The following ERCC3 variants were observed in gnomAD, a reference collection of about 807,000 sequenced individuals.
ERCC3 encodes the protein ERCC excision repair 3, TFIIH core complex helicase subunit.
ERCC3 carries 66 observed loss-of-function variants against 94.2 expected under a neutral mutation model. That is an observed-to-expected ratio of 0.70 (90% CI 0.57 to 0.86). ERCC3 has a LOEUF of 0.86. Among genes scored for constraint, ERCC3 ranks in the 40% least tolerant of loss-of-function variants. ERCC3 has a pLI of 0.00. For synonymous variants in ERCC3, 349 were observed against 369.1 expected, an observed-to-expected ratio of 0.95 and a Z score of 0.63; for missense variants, 829 against 987.1, an observed-to-expected ratio of 0.84 and a Z score of 2.15.
rs917709294 is a variant in ERCC3, at chr2:127,280,491, C to G, written c.1483G>C (p.Glu495Gln). 1.2e-6 allele frequency: 2 copies of G among 1,613,868 alleles called. No individual in the cohort carries two copies. The highest frequency in any genetic ancestry group is 1.7e-6 in the Non-Finnish European group (2 of 1,179,944). Residue 495 changes from glutamate (E) to glutamine (Q), a missense_variant, in exon 9 of 15, where the codon GAG becomes CAG. Coordinates refer to ENST00000285398, the MANE Select transcript of ERCC3 (RefSeq NM_000122.2). The surrounding 1 kb of genome is among the most constrained non-coding windows in gnomAD (Gnocchi z 6.3). The stretch of plus-strand genomic sequence containing the variant: ...GCGATGTAGCCATTATTCTGCAGCT[C>G]CATCCAGTTGGCTTCGTAGAGCTTA... ...GPKLYEANWMELQNNGYIAKV... is the reference protein window; with the variant it reads ...GPKLYEANWMQLQNNGYIAKV...
Position 127,274,015 on chromosome 2 carries a change from T to TA in ERCC3, c.1731-1055dup, listed in dbSNP as rs34376552. 1.1e-3 allele frequency among the ~76,000 whole-genome samples: 150 copies of TA among 141,928 alleles called. No individual in the cohort carries two copies. The highest frequency in any genetic ancestry group is 3.6e-3 in the Middle Eastern group (1 of 276). The allele number at this position is 141,928 out of a possible 152,430, so 93.1% of individuals were successfully genotyped here. ...CCAGGCATTGAGCTGAGTATTACAT[T>TA]AAAAAAAAAAAAATCCAGCCAGGCG... On this transcript the variant is annotated intron_variant, in intron 10 of 14. Coordinates refer to ENST00000285398, the MANE Select transcript of ERCC3 (RefSeq NM_000122.2). This position sits in a 1 kb window ranked among gnomAD's most constrained non-coding sequence, Gnocchi z 4.0.
chr2:127,267,113 T>C (rs973970236), intron 12 of ERCC3, among the ~76,000 whole-genome samples: 2 of 152,224 alleles, frequency 1.3e-5, no homozygotes, highest in East Asian at 1.9e-4. Flanking sequence ...TTAGGTCCAA[T>C]TGGTCAAGTG....
chr2:127,268,470 C>T (rs899650331), intron 12 of ERCC3, among the ~76,000 whole-genome samples: 2 of 152,034 alleles, frequency 1.3e-5, no homozygotes, highest in Admixed American at 1.3e-4. Flanking sequence ...ATCATGTTGC[C>T]CAGACTGGTC....
Position 127,277,749 on chromosome 2 carries a change from C to T in ERCC3, c.1730+1424G>A, listed in dbSNP as rs1039731618. ...CTCTGCCTGAACATACTTACACAGTCAAAATAATGTAACTGAATATTAAAG... is the reference window on the plus strand; with the variant it reads ...CTCTGCCTGAACATACTTACACAGTTAAAATAATGTAACTGAATATTAAAG... On this transcript the variant is annotated intron_variant, in intron 10 of 14. Coordinates refer to ENST00000285398, the MANE Select transcript of ERCC3 (RefSeq NM_000122.2). The surrounding 1 kb of genome is among the most constrained non-coding windows in gnomAD (Gnocchi z 5.1). Among the ~76,000 whole-genome samples, 5 of 152,164 alleles carry T rather than the reference C, an allele frequency of 3.3e-5. No individual in the cohort carries two copies. Among genetic ancestry groups the T allele is most frequent in the Middle Eastern group, 3.4e-3 (1 of 294 alleles).
rs970525554 is a variant in ERCC3, at chr2:127,279,622, T to G, written c.1528-247A>C. Among the ~76,000 whole-genome samples the G allele has an allele frequency of 1.1e-4, 17 of 151,890 alleles. No homozygotes were observed. The highest frequency in any genetic ancestry group is 4.1e-4 in the African/African-American group (17 of 41,330). Reference sequence around the variant, plus strand: ...ACTAAAAATACAAAAATTAGCTGGGTGTGGTAGTGCATGTCTGTAATTCCA... The same window carrying G: ...ACTAAAAATACAAAAATTAGCTGGGGGTGGTAGTGCATGTCTGTAATTCCA... On this transcript the variant is annotated intron_variant, in intron 9 of 14. Transcript: ENST00000285398. The surrounding 1 kb of genome is among the most constrained non-coding windows in gnomAD (Gnocchi z 4.7).
intron 3 of ERCC3, chr2:127,292,046 G>T: frequency 5.4e-6 from 1 of 183,874 alleles, no homozygotes; most frequent in Non-Finnish European, 1.2e-5. Flanking sequence ...TCTGGTGAAG[G>T]CTCTTGTCTA....
chr2:127,278,652 C>CT (rs1327445011), intron 10 of ERCC3, among the ~76,000 whole-genome samples: 1 of 152,238 alleles, frequency 6.6e-6, no homozygotes, highest in Admixed American at 6.5e-5. Flanking sequence ...TTCCTCCTTA[C>CT]TTGGCAGAGC....
At chr2:127,261,707 T>C in intron 12 of ERCC3, 1 of 321,862 alleles carries the variant, frequency 3.1e-6, no homozygotes, top group South Asian at 2.8e-5. Flanking sequence ...AAATAGCCAG[T>C]AAGCACATGA....
chr2:127,288,978 G>T (rs1685173559), intron 6 of ERCC3, 114 bp from the exon 7 acceptor site: 1 of 895,596 alleles, frequency 1.1e-6, no homozygotes, highest in African/African-American at 1.6e-5. Context: ...ACTTCTACAA[G>T]ATTTTAGATC....
chr2:127,261,895 C>T (rs184963930), intron 12 of ERCC3: 173 of 169,270 alleles, frequency 1.0e-3, no homozygotes, highest in African/African-American at 3.9e-3. Flanking sequence ...GTAAATGATG[C>T]GGCTGCTTTG....
intron 4 of ERCC3, 187 bp from the exon 5 acceptor site, chr2:127,290,011 A>G: frequency 3.7e-6 from 3 of 809,154 alleles, no homozygotes; most frequent in Admixed American, 4.4e-5. Flanking sequence ...GAGGTCAAGT[A>G]GGCAGGGGCC....
In ERCC3 at chr2:127,257,584, C is replaced by T. The variant is rs745534678; in HGVS notation, c.*12G>A. 5.0e-5 allele frequency: 81 copies of T among 1,613,420 alleles called. 2 individuals carry two copies. The Middle Eastern group carries it at 7.1e-4, about 14-fold the overall frequency. ...CAAGCGCCGGTCTTGAACGAAGTAC[C>T]CTGCCTAAGCATCATTTCCTAAAGC... On this transcript the variant is annotated 3_prime_UTR_variant, in exon 15 of 15. Transcript: ENST00000285398. The surrounding 1 kb of genome is among the most constrained non-coding windows in gnomAD (Gnocchi z 5.4).
intron 12 of ERCC3, among the ~76,000 whole-genome samples, chr2:127,263,169 A>G (rs988918961): frequency 2.0e-5 from 3 of 152,156 alleles, no homozygotes; most frequent in Admixed American, 6.5e-5. Context: ...GATGAATTTT[A>G]TAAGTTTTTT....
intron 7 of ERCC3, among the ~76,000 whole-genome samples, chr2:127,287,287 C>T (rs1024611859): frequency 1.3e-5 from 2 of 152,122 alleles, no homozygotes; most frequent in Non-Finnish European, 2.9e-5. Flanking sequence ...AATCTCAAAA[C>T]AAACCAGTGA....
At chr2:127,286,342 A>C (rs190199027) in intron 8 of ERCC3, among the ~76,000 whole-genome samples, 1 of 152,200 alleles carries the variant, frequency 6.6e-6, no homozygotes, top group East Asian at 1.9e-4. Context: ...CGAGGTCAGG[A>C]GTTCAAGACC....
intron 7 of ERCC3, among the ~76,000 whole-genome samples, chr2:127,287,639 GAA>G (rs1282284846): frequency 6.6e-6 from 1 of 151,990 alleles, no homozygotes; most frequent in Non-Finnish European, 1.5e-5. Flanking sequence ...GTCTCAAAAA[GAA>G]AAAAGAAAGA....
chr2:127,272,244 C>A (rs915955774), intron 11 of ERCC3, among the ~76,000 whole-genome samples: 1 of 151,934 alleles, frequency 6.6e-6, no homozygotes, highest in African/African-American at 2.4e-5. Context: ...AGGCTGGTCT[C>A]GAACTCCTGA....
At position 127,264,709 on chromosome 2, in the gene ERCC3, C is replaced by T. The variant is rs937531715; in HGVS notation, c.1946-3363G>A. On this transcript the variant is annotated intron_variant, in intron 12 of 14. Transcript: ENST00000285398. The surrounding 1 kb of genome is among the most constrained non-coding windows in gnomAD (Gnocchi z 4.4). ...GAATACTAGCCTGTAGTTTTTTCAT[C>T]GTGTCTTTGCCAGATTTTGGTATCA... is the stretch of plus-strand genomic sequence containing the variant. Among the ~76,000 whole-genome samples, 18 of 152,096 alleles carry T rather than the reference C, an allele frequency of 1.2e-4. No individual in the cohort carries two copies. Among genetic ancestry groups the T allele is most frequent in the East Asian group, 3.9e-4 (2 of 5,194 alleles).
At position 127,259,234 on chromosome 2, in the gene ERCC3, T is replaced by C. The variant is rs1684114535; in HGVS notation, c.2217+62A>G. ...AGGCAGGACTACATGTCTGTGTCTG[T>C]GTCTACAAACGCTGCCCTGTGAGAG... On this transcript the variant is annotated intron_variant, in intron 14 of 14. Coordinates refer to ENST00000285398, the MANE Select transcript of ERCC3 (RefSeq NM_000122.2). This position sits in a 1 kb window ranked among gnomAD's most constrained non-coding sequence, Gnocchi z 4.9. 6.3e-7 allele frequency: 1 copy of C among 1,591,864 alleles called. No individual in the cohort carries two copies. Among genetic ancestry groups the C allele is most frequent in the South Asian group, 1.1e-5 (1 of 90,446 alleles).
Sources: allele counts gnomAD v4.1 joint callset (sites outside exome capture counted in the v4.1 genomes callset), GRCh38; gene constraint gnomAD v4.1.1; non-coding constraint Gnocchi (gnomAD v3.1); transcripts MANE v1.5; gene names NCBI Gene and HGNC (gene_info 2026-07-23, HGNC 2026-07-21).